The following TBCD variants were observed in gnomAD, a reference collection of about 807,000 sequenced individuals.
TBCD encodes the protein tubulin-specific chaperone D.
In TBCD, 105 loss-of-function variants were observed where a neutral mutation model predicts 169.3. That is an observed-to-expected ratio of 0.62 (90% confidence interval 0.53 to 0.73). TBCD has a LOEUF of 0.73. Among genes scored for constraint, TBCD ranks in the 30% least tolerant of loss-of-function variants. The pLI is 0.00. For missense variants in TBCD, 1,444 were observed against 1,600.1 expected (o/e 0.90, Z 1.66); for synonymous variants, 700 against 643.9 (o/e 1.09, Z -1.32).
At chr17:82,814,721 T>A (rs2051724483) in intron 12 of TBCD, 119 bp from the exon 13 acceptor site, 1 of 932,812 alleles carries the variant, frequency 1.1e-6, no homozygotes, top group Non-Finnish European at 1.7e-6. Flanking sequence ...TAGTGAGCCT[T>A]ACGTGAGCCT....
At position 82,884,054 on chromosome 17, in the gene TBCD, A is replaced by G; in HGVS notation, c.1476-91A>G. 1 of 1,279,660 alleles carries G rather than the reference A, an allele frequency of 7.8e-7. No individual in the cohort carries two copies. Among genetic ancestry groups the G allele is most frequent in the Admixed American group, 2.0e-5 (1 of 50,120 alleles). The allele number at this position is 1,279,660 out of a possible 1,614,324, so 79.3% of individuals were successfully genotyped here. On this transcript the variant is annotated intron_variant, in intron 14 of 38. Transcript: ENST00000355528. This position sits in a 1 kb window ranked among gnomAD's most constrained non-coding sequence, Gnocchi z 4.2. ...CATGTCTGAACCTCAAGTGGGCCTG[A>G]GTCGTGAGAGAAAGGCTTTCTCATC...
At chr17:82,841,332 T>C (rs896411619) in intron 13 of TBCD, among the ~76,000 whole-genome samples, 1 of 151,984 alleles carries the variant, frequency 6.6e-6, no homozygotes, top group African/African-American at 2.4e-5. Flanking sequence ...TTTTTTTTTC[T>C]TTTGAGACAG....
rs541708697 is a variant in TBCD, at chr17:82,925,098, G to C, written c.2379+41G>C. 60 of 1,476,812 alleles carry C rather than the reference G, an allele frequency of 4.1e-5. No homozygotes were observed. The Admixed American group carries it at 8.1e-4, about 20-fold the overall frequency. The allele number at this position is 1,476,812 out of a possible 1,614,324, so 91.5% of individuals were successfully genotyped here. A position where few individuals can be genotyped will look rare whatever the true frequency, so the allele number is the denominator to read the frequency against. On this transcript the variant is annotated intron_variant, in intron 27 of 38. Coordinates refer to ENST00000355528, the MANE Select transcript of TBCD (RefSeq NM_005993.5). ...CGCAGTGGACGGGGCCTAGGGCGAG[G>C]GTGTGGGAGCCTCGTGTGTTGGGGC... is the stretch of plus-strand genomic sequence containing the variant.
rs904906680 is a variant in TBCD, at chr17:82,900,636, T to C, written c.1650-15T>C. 37 of 1,611,732 alleles carry C rather than the reference T, an allele frequency of 2.3e-5. No individual in the cohort carries two copies. The highest frequency in any genetic ancestry group is 3.0e-5 in the Non-Finnish European group (35 of 1,177,994). ...TCTTCCGCGTCTCACCACCTCTCCATGCTGTCTTTTCCAGTGTGTTTATTG... is the reference window on the plus strand; with the variant it reads ...TCTTCCGCGTCTCACCACCTCTCCACGCTGTCTTTTCCAGTGTGTTTATTG... On this transcript the variant is annotated splice_polypyrimidine_tract_variant and intron_variant, in intron 17 of 38. Transcript: ENST00000355528.
At chr17:82,941,795 C>T (rs376016633) in intron 38 of TBCD, 2 of 414,868 alleles carry the variant, frequency 4.8e-6, no homozygotes, top group Admixed American at 4.3e-5. Flanking sequence ...CTCCAAGTGC[C>T]AAGAGTGCCA....
chr17:82,765,504 G>A (rs111504426), intron 3 of TBCD, among the ~76,000 whole-genome samples: 3,801 of 152,242 alleles, frequency 0.025, 171 homozygotes, highest in African/African-American at 0.087. Context: ...ACTCACAGCC[G>A]TCTCAGGGTG....
At chr17:82,802,969 C>T (rs143717437) in intron 9 of TBCD, among the ~76,000 whole-genome samples, 122 of 152,360 alleles carry the variant, frequency 8.0e-4, no homozygotes, top group African/African-American at 2.9e-3. Flanking sequence ...GTAATTCTAA[C>T]GTGGTTGGGT....
intron 13 of TBCD, among the ~76,000 whole-genome samples, chr17:82,844,146 A>G (rs778176157): frequency 1.2e-4 from 18 of 149,210 alleles, no homozygotes; most frequent in Non-Finnish European, 2.5e-4. Flanking sequence ...TTTCTTATCT[A>G]AGGATTTTAG....
Position 82,924,791 on chromosome 17 carries a change from C to T in TBCD, c.2261-148C>T. The T allele has an allele frequency of 5.0e-6, 3 of 601,282 alleles. No individual in the cohort carries two copies. In the South Asian group the frequency reaches 7.0e-5, roughly 14 times the overall value. 37.2% of individuals were successfully genotyped at this position (601,282 alleles called of 1,614,324 possible). ...TTTCTGATTCCTATTTTGAGGTAGGCCACTTTGGAAACGTGTCTGCTTTGG... is the reference window on the plus strand; with the variant it reads ...TTTCTGATTCCTATTTTGAGGTAGGTCACTTTGGAAACGTGTCTGCTTTGG... On this transcript the variant is annotated intron_variant, in intron 26 of 38. Coordinates refer to ENST00000355528, the MANE Select transcript of TBCD (RefSeq NM_005993.5).
chr17:82,927,023 G>A (rs560303208), intron 28 of TBCD, 163 bp from the exon 29 acceptor site: 135 of 975,406 alleles, frequency 1.4e-4, no homozygotes, highest in South Asian at 8.0e-4. Context: ...CACGTCCCAC[G>A]TTCCATACAT....
intron 13 of TBCD, among the ~76,000 whole-genome samples, chr17:82,847,197 C>G (rs1040713420): frequency 6.6e-6 from 1 of 151,410 alleles, no homozygotes; most frequent in Non-Finnish European, 1.5e-5. Context: ...TAAAAATACA[C>G]AAAAAATTAG....
Position 82,781,753 on chromosome 17 carries a change from G to A in TBCD, c.771+32G>A, listed in dbSNP as rs375421705. The A allele has an allele frequency of 3.5e-5, 56 of 1,594,624 alleles. 1 individual carries two copies. The highest frequency in any genetic ancestry group is 2.7e-4 in the South Asian group (24 of 90,278). ...GCTGCCCGCAGGGGCTGTGGAGATC[G>A]CAGGGAAATGGCGCCTTACATGGGG... On this transcript the variant is annotated intron_variant, in intron 7 of 38. Transcript: ENST00000355528.
At position 82,922,020 on chromosome 17, in the gene TBCD, G is replaced by A. The variant is rs1025680031; in HGVS notation, c.2178+443G>A. On this transcript the variant is annotated intron_variant, in intron 25 of 38. Coordinates refer to ENST00000355528, the MANE Select transcript of TBCD (RefSeq NM_005993.5). The surrounding 1 kb of genome is among the most constrained non-coding windows in gnomAD (Gnocchi z 4.1). ...GGTGCCAGTGTGTGTGTGTGTCCCCGGCCACCTGCCCTCCCCTCCCGTCCT... is the reference window on the plus strand; with the variant it reads ...GGTGCCAGTGTGTGTGTGTGTCCCCAGCCACCTGCCCTCCCCTCCCGTCCT... 2.6e-5 allele frequency among the ~76,000 whole-genome samples: 4 copies of A among 152,068 alleles called. No individual in the cohort carries two copies. The highest frequency in any genetic ancestry group is 9.7e-5 in the African/African-American group (4 of 41,396).
At chr17:82,787,097 T>C (rs535758214) in intron 7 of TBCD, among the ~76,000 whole-genome samples, 178 of 152,286 alleles carry the variant, frequency 1.2e-3, no homozygotes, top group Non-Finnish European at 1.6e-3. Context: ...CATTCGTTTT[T>C]CCCCTTCCTC....
At chr17:82,796,366 T>C (rs955528995) in intron 7 of TBCD, among the ~76,000 whole-genome samples, 3 of 152,226 alleles carry the variant, frequency 2.0e-5, no homozygotes, top group African/African-American at 4.8e-5. Flanking sequence ...TCACACAAAC[T>C]AAAGATGGGG....
chr17:82,767,052 A>G (rs1278520778), intron 4 of TBCD, among the ~76,000 whole-genome samples: 1 of 152,234 alleles, frequency 6.6e-6, no homozygotes, highest in Non-Finnish European at 1.5e-5. Flanking sequence ...CGGTTTGTGC[A>G]GATTGAGCCA....
Position 82,927,988 on chromosome 17 carries a change from C to T in TBCD, c.2693C>T (p.Thr898Ile), listed in dbSNP as rs375374940. The T allele has an allele frequency of 4.0e-5, 64 of 1,609,696 alleles. 2 individuals carry two copies. In the Middle Eastern group the frequency reaches 5.0e-4, roughly 12 times the overall value. Residue 898 changes from threonine (T) to isoleucine (I), a missense_variant and splice_region_variant, in exon 30 of 39, where the codon ACC becomes ATC. Coordinates refer to ENST00000355528, the MANE Select transcript of TBCD (RefSeq NM_005993.5). ...CAGCCTGAGCTGATCGAGGCCCATA[C>T]GTGAGTGTCACGTCGCAGCTCTTCT... is the stretch of plus-strand genomic sequence containing the variant. Reference protein sequence around the residue: ...RSQPELIEAHTCERIMCCVAQ... With the variant: ...RSQPELIEAHICERIMCCVAQ...
intron 8 of TBCD, 142 bp from the exon 9 acceptor site, chr17:82,800,722 A>G (rs775357858): frequency 2.4e-5 from 24 of 1,012,666 alleles, no homozygotes; most frequent in Non-Finnish European, 3.3e-5. Flanking sequence ...CTCTTGGTTC[A>G]TGATTTGGGA....
At chr17:82,897,979 C>CG (rs2059605280) in intron 17 of TBCD, among the ~76,000 whole-genome samples, 1 of 144,966 alleles carries the variant, frequency 6.9e-6, no homozygotes, top group Admixed American at 6.9e-5. Context: ...CTGTTCTCCC[C>CG]GATGGTTTTC....
Sources: allele counts gnomAD v4.1 joint callset (sites outside exome capture counted in the v4.1 genomes callset), GRCh38; gene constraint gnomAD v4.1.1; non-coding constraint Gnocchi (gnomAD v3.1); transcripts MANE v1.5; gene names NCBI Gene and HGNC (gene_info 2026-07-23, HGNC 2026-07-21).